The following MGMT variants were observed in gnomAD, a reference collection of about 807,000 sequenced individuals.
MGMT encodes methylated-DNA--protein-cysteine methyltransferase.
MGMT carries 14 observed loss-of-function variants against 15.9 expected under a neutral mutation model. That is an observed-to-expected ratio of 0.88 (90% CI 0.58 to 1.37). The LOEUF is 1.37. Ranked by LOEUF, MGMT falls within the 40% of genes most tolerant of loss-of-function variation. The probability of loss-of-function intolerance (pLI) is 0.00; values close to 1 mark genes in which losing one functional copy is unlikely to be tolerated. For synonymous variants in MGMT, 130 were observed against 118.2 expected (o/e 1.10, Z -0.65); for missense variants, 282 against 268.1 (o/e 1.05, Z -0.36).
intron 2 of MGMT, among the ~76,000 whole-genome samples, chr10:129,678,676 G>A (rs758520115): frequency 6.6e-6 from 1 of 152,128 alleles, no homozygotes; most frequent in Admixed American, 6.5e-5. Flanking sequence ...AGTGCCTGGG[G>A]CGAAATCCAC....
At chr10:129,753,594 G>GAT (rs947519001) in intron 3 of MGMT, among the ~76,000 whole-genome samples, 3 of 151,778 alleles carry the variant, frequency 2.0e-5, no homozygotes, top group Non-Finnish European at 4.4e-5. Flanking sequence ...TTCTACTATT[G>GAT]ATCCTATGCA....
chr10:129,651,536 G>T (rs1847458060), intron 2 of MGMT, among the ~76,000 whole-genome samples: 1 of 151,936 alleles, frequency 6.6e-6, no homozygotes, highest in African/African-American at 2.4e-5. Context: ...GCTACATTTA[G>T]CCAGATATAT....
At chr10:129,508,848 G>T (rs887980444) in intron 1 of MGMT, among the ~76,000 whole-genome samples, 6 of 152,058 alleles carry the variant, frequency 3.9e-5, no homozygotes, top group African/African-American at 1.4e-4. Context: ...GGCCTGGCCA[G>T]ATTTAGTTAA....
intron 2 of MGMT, among the ~76,000 whole-genome samples, chr10:129,602,828 G>A (rs994544711): frequency 6.6e-5 from 10 of 151,978 alleles, no homozygotes; most frequent in African/African-American, 2.4e-4. Context: ...TTTCTGGATG[G>A]CCTCAGAAAT....
At position 129,763,028 on chromosome 10, in the gene MGMT, C is replaced by G. The variant is rs180719466; in HGVS notation, c.414+3687C>G. ...AAAAATATTCAGCCGGTACCAGAAT[C>G]AGAGGGATTCCATCATTGACTGAAA... On this transcript the variant is annotated intron_variant, in intron 4 of 4. Transcript: ENST00000651593. Among the ~76,000 whole-genome samples the G allele has an allele frequency of 3.4e-3, 520 of 152,214 alleles. 2 individuals carry two copies. The highest frequency in any genetic ancestry group is 6.3e-3 in the Non-Finnish European group (430 of 68,014).
At chr10:129,665,358 C>T (rs1847647723) in intron 2 of MGMT, among the ~76,000 whole-genome samples, 1 of 151,500 alleles carries the variant, frequency 6.6e-6, no homozygotes, top group African/African-American at 2.4e-5. Context: ...CTCCCCAAGC[C>T]TTAAACAGCC....
At chr10:129,548,439 A>C (rs2119783297) in intron 2 of MGMT, among the ~76,000 whole-genome samples, 1 of 152,212 alleles carries the variant, frequency 6.6e-6, no homozygotes, top group South Asian at 2.1e-4. Context: ...TCTGATCTTT[A>C]TTTTATCCTT....
chr10:129,613,236 A>G (rs1433551874), intron 2 of MGMT, among the ~76,000 whole-genome samples: 1 of 152,236 alleles, frequency 6.6e-6, no homozygotes, highest in Non-Finnish European at 1.5e-5. Context: ...CCTGCTATGC[A>G]GAATAAAACC....
intron 3 of MGMT, among the ~76,000 whole-genome samples, chr10:129,756,747 C>T (rs1266545850): frequency 6.6e-6 from 1 of 152,180 alleles, no homozygotes; most frequent in Non-Finnish European, 1.5e-5. Flanking sequence ...GGATTACAGG[C>T]GTGAGCCACC....
intron 2 of MGMT, among the ~76,000 whole-genome samples, chr10:129,698,280 T>G (rs1224418353): frequency 6.6e-6 from 1 of 152,176 alleles, no homozygotes; most frequent in Non-Finnish European, 1.5e-5. Context: ...ACACCAGCGG[T>G]TGACCAGATG....
At chr10:129,471,719 T>C (rs571014129) in intron 1 of MGMT, among the ~76,000 whole-genome samples, 24 of 152,244 alleles carry the variant, frequency 1.6e-4, no homozygotes, top group South Asian at 4.1e-4. Context: ...GACCAGAACC[T>C]GGGGATGCCA....
chr10:129,706,956 G>C (rs1246179000), intron 2 of MGMT, among the ~76,000 whole-genome samples: 3 of 152,116 alleles, frequency 2.0e-5, no homozygotes, highest in Non-Finnish European at 4.4e-5. Flanking sequence ...ATCAAAGGGA[G>C]GAGAGTGTCC....
chr10:129,603,470 C>G (rs1449517794), intron 2 of MGMT, among the ~76,000 whole-genome samples: 1 of 152,198 alleles, frequency 6.6e-6, no homozygotes, highest in Non-Finnish European at 1.5e-5. Context: ...CTGCAAAAAG[C>G]AAGAAGCTTT....
At chr10:129,550,054 C>T (rs892273485) in intron 2 of MGMT, among the ~76,000 whole-genome samples, 2 of 152,028 alleles carry the variant, frequency 1.3e-5, no homozygotes, top group Admixed American at 1.3e-4. Flanking sequence ...ATCCCTTCTG[C>T]CTGTATAATA....
rs774150007 is a variant in MGMT at position 129,766,897 on chromosome 10, G to C, written c.524G>C (p.Arg175Pro). The C allele has an allele frequency of 6.2e-7, 1 of 1,613,432 alleles. No individual in the cohort carries two copies. The highest frequency in any genetic ancestry group is 1.1e-5 in the South Asian group (1 of 91,082). ...KEWLLAHEGH[R>P]LGKPGLGGSS... The stretch of plus-strand genomic sequence containing the variant: ...TGGCTTCTGGCCCATGAAGGCCACC[G>C]GTTGGGGAAGCCAGGCTTGGGAGGG... Residue 175 changes from arginine to proline, a missense_variant, in exon 5 of 5, where the codon CGG becomes CCG. Physicochemically the swap from Arg to Pro is moderately radical, Grantham distance 103 (BLOSUM62 -2). Transcript: ENST00000651593.
At chr10:129,608,641 C>G (rs1846922223) in intron 2 of MGMT, among the ~76,000 whole-genome samples, 1 of 152,202 alleles carries the variant, frequency 6.6e-6, no homozygotes, top group African/African-American at 2.4e-5. Flanking sequence ...TTTAGTTTTT[C>G]TATTTAATAG....
At chr10:129,713,174 G>A (rs1022967414) in intron 3 of MGMT, among the ~76,000 whole-genome samples, 1 of 152,174 alleles carries the variant, frequency 6.6e-6, no homozygotes, top group Non-Finnish European at 1.5e-5. Flanking sequence ...TTGCCACCAC[G>A]TGTGGGTGGC....
At chr10:129,634,023 T>TGA (rs1253058163) in intron 2 of MGMT, among the ~76,000 whole-genome samples, 1 of 152,230 alleles carries the variant, frequency 6.6e-6, no homozygotes, top group Non-Finnish European at 1.5e-5. Context: ...CCTTTCTCAT[T>TGA]GCACTGGTCT....
chr10:129,698,059 A>G (rs1021847945), intron 2 of MGMT, among the ~76,000 whole-genome samples: 16 of 152,316 alleles, frequency 1.1e-4, no homozygotes, highest in African/African-American at 3.8e-4. Flanking sequence ...TGTGCAGGAA[A>G]GAGTGAGTCC....
Sources: gnomAD v4.1 joint callset for allele counts (sites outside exome capture counted in the v4.1 genomes callset) on GRCh38, gnomAD v4.1.1 for gene constraint, MANE v1.5 for transcripts, NCBI Gene and HGNC (gene_info 2026-07-23, HGNC 2026-07-21) for gene names.